NOL4: variants seen among roughly 807,000 people sequenced by gnomAD.
The protein encoded by NOL4 is nucleolar protein 4, also known as cancer/testis antigen 125.
In NOL4, 17 loss-of-function variants were observed where a neutral mutation model predicts 75.9. The observed-to-expected ratio is 0.22, with a 90% CI of 0.15 to 0.34. The LOEUF (loss-of-function observed/expected upper bound fraction) is 0.34. Among genes scored for constraint, NOL4 ranks in the 10% least tolerant of loss-of-function variants. The pLI, the probability that NOL4 is intolerant of heterozygous loss-of-function variation, is 1.00. For missense variants in NOL4, 614 were observed against 793.5 expected, an observed-to-expected ratio of 0.77 and a Z score of 2.72; for synonymous variants, 292 against 289.9, an observed-to-expected ratio of 1.01 and a Z score of -0.07.
intron 8 of NOL4, among the ~76,000 whole-genome samples, chr18:33,956,895 A>G (rs2069689280): frequency 6.6e-6 from 1 of 152,110 alleles, no homozygotes; most frequent in African/African-American, 2.4e-5. Context: ...TCCTAGGTAG[A>G]TCCATCTGTT....
intron 5 of NOL4, among the ~76,000 whole-genome samples, chr18:34,020,283 GA>G (rs1221135578): frequency 2.7e-5 from 4 of 149,512 alleles, no homozygotes; most frequent in East Asian, 1.9e-4. Flanking sequence ...CAATCTCAAA[GA>G]AAAAAAAACA....
intron 5 of NOL4, among the ~76,000 whole-genome samples, chr18:34,049,301 C>T (rs933153552): frequency 2.0e-5 from 3 of 151,262 alleles, no homozygotes; most frequent in African/African-American, 7.3e-5. Flanking sequence ...GTGCCTGTGC[C>T]ACAGCAGAAG....
chr18:34,092,353 G>A (rs1324098312), intron 5 of NOL4, among the ~76,000 whole-genome samples: 1 of 152,078 alleles, frequency 6.6e-6, no homozygotes, highest in Non-Finnish European at 1.5e-5. Flanking sequence ...CTATCTTAAA[G>A]TCACTGATAA....
chr18:33,958,338 G>GTT lies in NOL4; in HGVS notation c.1135_1136dup (p.Asn379LysfsTer31). The GTT allele has an allele frequency of 6.3e-7, 1 of 1,586,696 alleles. No individual in the cohort carries two copies. The highest frequency in any genetic ancestry group is 8.6e-7 in the Non-Finnish European group (1 of 1,165,776). On this transcript the variant is annotated frameshift_variant, in exon 7 of 11. Transcript: ENST00000261592. LOFTEE classifies it high-confidence loss of function. ...GGTCATCTTCGTCCTCATCTCCCCT[G>GTT]TTTAGTGAGAGGTCCTCAGCTCCTC...
chr18:33,964,565 C>T (rs528297051), intron 6 of NOL4, among the ~76,000 whole-genome samples: 1 of 152,116 alleles, frequency 6.6e-6, no homozygotes, highest in African/African-American at 2.4e-5. Context: ...AGAAGTTGAA[C>T]CCAAACTTTA....
intron 1 of NOL4, among the ~76,000 whole-genome samples, chr18:34,212,837 T>G (rs1273415201): frequency 6.6e-6 from 1 of 152,196 alleles, no homozygotes; most frequent in African/African-American, 2.4e-5. Context: ...AAGAGAGAAC[T>G]TCTGCAGCAA....
intron 1 of NOL4, among the ~76,000 whole-genome samples, chr18:34,136,018 A>G (rs1001518667): frequency 6.6e-6 from 1 of 152,156 alleles, no homozygotes; most frequent in African/African-American, 2.4e-5. Context: ...CCAGGAATGC[A>G]AGGTTAGTTT....
intron 6 of NOL4, among the ~76,000 whole-genome samples, chr18:33,963,113 C>T (rs549156533): frequency 6.6e-6 from 1 of 152,230 alleles, no homozygotes; most frequent in South Asian, 2.1e-4. Flanking sequence ...CCAGCTTCTA[C>T]CCTAGTCTAC....
chr18:34,222,057 G>C, intron 1 of NOL4: 1 of 1,535,412 alleles, frequency 6.5e-7, no homozygotes, highest in Non-Finnish European at 8.7e-7. Flanking sequence ...CATCAGATCT[G>C]CCATCCTACT....
intron 10 of NOL4, among the ~76,000 whole-genome samples, chr18:33,864,456 C>G (rs1187043761): frequency 6.6e-6 from 1 of 152,148 alleles, no homozygotes; most frequent in African/African-American, 2.4e-5. Flanking sequence ...GACCTTTGCT[C>G]CAGTTCCCAA....
chr18:34,104,953 C>T, intron 3 of NOL4, 96 bp downstream of exon 3: 2 of 717,046 alleles, frequency 2.8e-6, no homozygotes, highest in Non-Finnish European at 4.8e-6. Context: ...ACTTGTTGAA[C>T]TGTTTCAGTC....
At chr18:34,171,913 A>G (rs957508017) in intron 1 of NOL4, among the ~76,000 whole-genome samples, 1 of 152,130 alleles carries the variant, frequency 6.6e-6, no homozygotes, top group Non-Finnish European at 1.5e-5. Context: ...AATGGTAATC[A>G]AGTTCTTAAA....
intron 1 of NOL4, among the ~76,000 whole-genome samples, chr18:34,219,930 C>T (rs930130926): frequency 6.6e-6 from 1 of 152,210 alleles, no homozygotes; most frequent in Non-Finnish European, 1.5e-5. Context: ...GTCTAAACAT[C>T]AGTGGCAGAT....
intron 9 of NOL4, among the ~76,000 whole-genome samples, chr18:33,887,061 A>G (rs1439330427): frequency 7.2e-6 from 1 of 138,686 alleles, no homozygotes; most frequent in Non-Finnish European, 1.5e-5. Flanking sequence ...ATATATATCT[A>G]TATATAATAT....
chr18:33,869,169 GAT>G (rs1293267324), intron 10 of NOL4, among the ~76,000 whole-genome samples: 1 of 151,558 alleles, frequency 6.6e-6, no homozygotes, highest in Admixed American at 6.6e-5. Context: ...CAGCACATAA[GAT>G]ATTTATATAG....
chr18:34,014,696 T>C (rs189049849), intron 6 of NOL4, among the ~76,000 whole-genome samples: 16 of 152,094 alleles, frequency 1.1e-4, no homozygotes, highest in Admixed American at 7.9e-4. Context: ...TGTTATTAGT[T>C]GTCCTTTTAA....
chr18:34,047,713 T>C (rs1452506999), intron 5 of NOL4, among the ~76,000 whole-genome samples: 1 of 152,116 alleles, frequency 6.6e-6, no homozygotes, highest in African/African-American at 2.4e-5. Context: ...AAAAATCATA[T>C]GCTTCATAAG....
intron 4 of NOL4, among the ~76,000 whole-genome samples, chr18:34,094,864 C>T (rs1275836493): frequency 6.6e-6 from 1 of 152,086 alleles, no homozygotes; most frequent in East Asian, 1.9e-4. Context: ...ATTTTCCCTG[C>T]TATTATATAC....
rs72961218 is a variant in NOL4, at chr18:34,178,825, C to T, written c.264+44165G>A. On this transcript the variant is annotated intron_variant, in intron 1 of 10. Coordinates refer to ENST00000261592, the MANE Select transcript of NOL4 (RefSeq NM_003787.5). The stretch of plus-strand genomic sequence containing the variant: ...ACCAGAAAAGAAATAGAGAACTTGA[C>T]AATGTGATAAACCAACCTGTTTGGA... 7.4e-3 allele frequency among the ~76,000 whole-genome samples: 1,116 copies of T among 151,654 alleles called. 5 individuals are homozygous for T. The highest frequency in any genetic ancestry group is 0.023 in the South Asian group (110 of 4,820).
Sources: gnomAD v4.1 joint callset for allele counts (sites outside exome capture counted in the v4.1 genomes callset) on GRCh38, gnomAD v4.1.1 for gene constraint, MANE v1.5 for transcripts, NCBI Gene and HGNC (gene_info 2026-07-23, HGNC 2026-07-21) for gene names.